The following PTK2 variants were observed in gnomAD, a reference collection of about 807,000 sequenced individuals.
PTK2 encodes the protein focal adhesion kinase 1.
In PTK2, 45 loss-of-function variants were observed where a neutral mutation model predicts 150.1. The ratio of observed to expected loss-of-function variants is 0.30; its 90% CI spans 0.24 to 0.38. The LOEUF is 0.38. Ranked by LOEUF, PTK2 falls within the 10% of genes least tolerant of loss-of-function variation. PTK2 has a pLI of 1.00. For missense variants in PTK2, 919 were observed against 1,307.3 expected (o/e 0.70, Z 4.58); for synonymous variants, 432 against 449.2 (o/e 0.96, Z 0.48).
chr8:140,979,323 C>T lies in PTK2; in HGVS notation c.-122+21802G>A, dbSNP rs116925769. Among the ~76,000 whole-genome samples the T allele has an allele frequency of 2.8e-3, 410 of 144,050 alleles. 1 individual carries two copies. The highest frequency in any genetic ancestry group is 4.8e-3 in the Non-Finnish European group (317 of 65,658). The allele number at this position is 144,050 out of a possible 152,430, so 94.5% of individuals were successfully genotyped here. A position where few individuals can be genotyped will look rare whatever the true frequency, so the allele number is the denominator to read the frequency against. ...CCTCACAGGTAAAAAAAACAAACCA[C>T]AAACTGGAAGAAAATATTCACAACA... On this transcript the variant is annotated intron_variant, in intron 1 of 31. Transcript: ENST00000522684.
intron 4 of PTK2, among the ~76,000 whole-genome samples, chr8:140,872,407 T>C (rs556732515): frequency 4.5e-4 from 69 of 152,334 alleles, no homozygotes; most frequent in African/African-American, 1.6e-3. Flanking sequence ...ATACAATCAA[T>C]ATGTTGACCA....
intron 1 of PTK2, among the ~76,000 whole-genome samples, chr8:140,949,868 G>A (rs569823296): frequency 1.2e-4 from 18 of 152,314 alleles, no homozygotes; most frequent in Admixed American, 1.1e-3. Flanking sequence ...AGTTACGGGT[G>A]GAGTCTACAG....
chr8:140,769,676 G>A, intron 14 of PTK2, 84 bp from the exon 16 acceptor site: 9 of 837,230 alleles, frequency 1.1e-5, no homozygotes, highest in Non-Finnish European at 1.5e-5. Context: ...GAAGAGAGGG[G>A]AAAACACTAT....
At chr8:140,968,991 G>A (rs1569521129) in intron 1 of PTK2, among the ~76,000 whole-genome samples, 2 of 152,206 alleles carry the variant, frequency 1.3e-5, no homozygotes, top group Admixed American at 6.5e-5. Flanking sequence ...AGCAGTTTGC[G>A]AAGTGAACAG....
At chr8:140,834,586 C>T (rs2100117546) in intron 7 of PTK2, among the ~76,000 whole-genome samples, 1 of 152,172 alleles carries the variant, frequency 6.6e-6, no homozygotes, top group Non-Finnish European at 1.5e-5. Context: ...TACTCCCTCA[C>T]TGAGACCATA....
intron 4 of PTK2, among the ~76,000 whole-genome samples, chr8:140,873,489 G>A (rs1012963037): frequency 1.8e-4 from 27 of 151,598 alleles, no homozygotes; most frequent in Non-Finnish European, 5.9e-5. Flanking sequence ...TTTTTGAGAC[G>A]GAGTCTCGCT....
At chr8:140,950,309 G>A (rs947523326) in intron 1 of PTK2, among the ~76,000 whole-genome samples, 1 of 152,214 alleles carries the variant, frequency 6.6e-6, no homozygotes, top group African/African-American at 2.4e-5. Flanking sequence ...CCCTCTTTGG[G>A]GCTTTGCAGT....
intron 1 of PTK2, among the ~76,000 whole-genome samples, chr8:140,994,121 A>T (rs2100196748): frequency 6.6e-6 from 1 of 152,226 alleles, no homozygotes; most frequent in Non-Finnish European, 1.5e-5. Flanking sequence ...GTAGGATTTC[A>T]ATTAAATAAA....
At chr8:140,810,428 C>T (rs1017223337) in intron 10 of PTK2, among the ~76,000 whole-genome samples, 4 of 152,168 alleles carry the variant, frequency 2.6e-5, no homozygotes, top group African/African-American at 9.7e-5. Flanking sequence ...GGGGTCCCAG[C>T]CTGAACGAGC....
intron 21 of PTK2, among the ~76,000 whole-genome samples, chr8:140,737,005 T>C (rs943956695): frequency 8.5e-5 from 13 of 152,122 alleles, no homozygotes; most frequent in Non-Finnish European, 4.4e-5. Context: ...AAGTAAAGAG[T>C]ATCTGACAAA....
At chr8:140,928,427 C>T (rs536921742) in intron 1 of PTK2, among the ~76,000 whole-genome samples, 1 of 152,154 alleles carries the variant, frequency 6.6e-6, no homozygotes, top group East Asian at 1.9e-4. Context: ...ACTAGGACCA[C>T]CATAAAGATT....
chr8:140,936,162 A>G (rs2100173554), intron 1 of PTK2, among the ~76,000 whole-genome samples: 1 of 152,154 alleles, frequency 6.6e-6, no homozygotes, highest in South Asian at 2.1e-4. Context: ...CTGTCTCTAA[A>G]ATTAAAAAAA....
chr8:140,962,289 A>G (rs1388848675), intron 1 of PTK2, among the ~76,000 whole-genome samples: 3 of 92,854 alleles, frequency 3.2e-5, no homozygotes, highest in Non-Finnish European at 5.4e-5. Context: ...GGGAGGGAGG[A>G]AGGGAGGGAG....
intron 29 of PTK2, 60 bp downstream of exon 32, chr8:140,674,238 G>T: frequency 6.8e-7 from 1 of 1,465,888 alleles, no homozygotes; most frequent in Non-Finnish European, 9.5e-7. Context: ...CATCAACTGA[G>T]AACTAGGGGA....
chr8:140,701,857 T>G (rs2100030653), intron 25 of PTK2, among the ~76,000 whole-genome samples: 1 of 152,058 alleles, frequency 6.6e-6, no homozygotes, highest in African/African-American at 2.4e-5. Context: ...CCGGGTGTGG[T>G]GGCTCAAGCC....
At chr8:140,660,616 C>T (rs566014758) in intron 31 of PTK2, 146 of 455,314 alleles carry the variant, frequency 3.2e-4, no homozygotes, top group South Asian at 2.2e-3. Context: ...TTCCAAGCTA[C>T]TCAGGAGGCT....
chr8:140,849,361 C>G (rs899224542), intron 5 of PTK2, among the ~76,000 whole-genome samples: 1 of 152,198 alleles, frequency 6.6e-6, no homozygotes, highest in South Asian at 2.1e-4. Context: ...AGCCACTGGG[C>G]ACGGCCACAT....
chr8:140,660,455 C>T, intron 31 of PTK2: 1 of 377,070 alleles, frequency 2.7e-6, no homozygotes, highest in Admixed American at 2.9e-5. Context: ...GGCGCAGTGG[C>T]TCACTCCTGT....
In PTK2 at chr8:140,921,293, T is replaced by C. The variant is rs114880571; in HGVS notation, c.-33+4368A>G. On this transcript the variant is annotated intron_variant, in intron 2 of 31. Coordinates refer to ENST00000522684, the Ensembl canonical transcript of PTK2. ...AAGAAGGCCAGTAGCCAGTAACTTA[T>C]TAATATGCTAATCTCACCCTTCTGT... 5.4e-3 allele frequency: 1,208 copies of C among 221,782 alleles called. 12 individuals are homozygous for C. The highest frequency in any genetic ancestry group is 0.025 in the African/African-American group (1,092 of 43,886). 13.7% of individuals were successfully genotyped at this position (221,782 alleles called of 1,614,324 possible).
Sources: allele counts gnomAD v4.1 joint callset (sites outside exome capture counted in the v4.1 genomes callset), GRCh38; gene constraint gnomAD v4.1.1; transcripts MANE v1.5; gene names NCBI Gene and HGNC (gene_info 2026-07-23, HGNC 2026-07-21).